The following TTC39C variants were observed in gnomAD, a reference collection of about 807,000 sequenced individuals.
The protein encoded by TTC39C is tetratricopeptide repeat protein 39C.
A neutral mutation model predicts 76.3 loss-of-function variants in TTC39C; 33 were observed. That is an observed-to-expected ratio of 0.43 (90% CI 0.33 to 0.58). The LOEUF is 0.58. Among genes scored for constraint, TTC39C ranks in the 20% least tolerant of loss-of-function variants. The pLI is 0.04. For missense variants in TTC39C, 595 were observed against 701.4 expected (o/e 0.85, Z 1.71); for synonymous variants, 254 against 260.6 (o/e 0.97, Z 0.24).
intron 1 of TTC39C, among the ~76,000 whole-genome samples, chr18:24,050,625 C>T (rs1200917847): frequency 6.6e-6 from 1 of 150,932 alleles, no homozygotes; most frequent in South Asian, 2.1e-4. Context: ...TAATCCCAGC[C>T]CTTTGGGAGG....
chr18:24,015,435 G>T, intron 1 of TTC39C: 1 of 170,292 alleles, frequency 5.9e-6, no homozygotes, highest in Non-Finnish European at 1.2e-5. Context: ...CGTGACTCTG[G>T]CTCGCGTGCT....
Position 24,114,622 on chromosome 18 carries a change from T to C in TTC39C, c.1053T>C (p.Ile351=). ...AACTTGCAGTAGACCAGAGAGAAATTCAACATGTCTGTCTGTATGAAATTG... is the reference window on the plus strand; with the variant it reads ...AACTTGCAGTAGACCAGAGAGAAATCCAACATGTCTGTCTGTATGAAATTG... The part of the protein sequence containing the change: ...ALELAVDQRE[I]QHVCLYEIGW... The change falls in exon 7 of 14, where the codon ATT becomes ATC. Residue 351 remains isoleucine (I), a synonymous_variant. Coordinates refer to ENST00000317571, the MANE Select transcript of TTC39C (RefSeq NM_001135993.2). 1.2e-6 allele frequency: 2 copies of C among 1,613,630 alleles called. No homozygotes were observed. The highest frequency in any genetic ancestry group is 1.3e-5 in the African/African-American group (1 of 75,038).
rs144000590 is a variant in TTC39C, at chr18:24,058,051, A to G, written c.168-6089A>G. On this transcript the variant is annotated intron_variant, in intron 1 of 13. Coordinates refer to ENST00000317571, the MANE Select transcript of TTC39C (RefSeq NM_001135993.2). ...TGGAGGCCATTAGTGTAAGCAAACC[A>G]ATGCAGGAACAGAAAACCAAATACT... 5.3e-3 allele frequency among the ~76,000 whole-genome samples: 804 copies of G among 152,334 alleles called. 5 individuals are homozygous for G. The highest frequency in any genetic ancestry group is 0.017 in the African/African-American group (707 of 41,576).
At chr18:24,072,773 T>C (rs1018158002) in intron 4 of TTC39C, among the ~76,000 whole-genome samples, 4 of 152,264 alleles carry the variant, frequency 2.6e-5, no homozygotes, top group Non-Finnish European at 5.9e-5. Context: ...TTTTAAAACA[T>C]ATTTTATGGC....
At chr18:24,109,898 C>T (rs1421770483) in intron 6 of TTC39C, among the ~76,000 whole-genome samples, 5 of 151,838 alleles carry the variant, frequency 3.3e-5, no homozygotes, top group East Asian at 3.9e-4. Context: ...CCCAGCTAAT[C>T]GGGAGGCTGA....
At chr18:24,075,973 T>C (rs1166771525) in intron 4 of TTC39C, among the ~76,000 whole-genome samples, 4 of 152,170 alleles carry the variant, frequency 2.6e-5, no homozygotes, top group African/African-American at 9.7e-5. Context: ...ATCTCTCAGC[T>C]AGTTGTTGCC....
At chr18:24,100,791 T>C (rs944864156) in intron 6 of TTC39C, among the ~76,000 whole-genome samples, 3 of 152,208 alleles carry the variant, frequency 2.0e-5, no homozygotes, top group African/African-American at 7.2e-5. Flanking sequence ...CAGTGGACCT[T>C]CTCTGGTGTT....
At chr18:24,076,472 G>A (rs1465105779) in intron 4 of TTC39C, among the ~76,000 whole-genome samples, 1 of 151,640 alleles carries the variant, frequency 6.6e-6, no homozygotes, top group Non-Finnish European at 1.5e-5. Context: ...GGAGCTGCTG[G>A]AGCGGCCCCT....
intron 1 of TTC39C, among the ~76,000 whole-genome samples, chr18:24,024,337 T>C (rs1403615065): frequency 1.3e-5 from 2 of 151,926 alleles, no homozygotes; most frequent in South Asian, 4.2e-4. Flanking sequence ...GTGTAAATGC[T>C]CAGCACACCT....
chr18:24,028,872 G>A (rs2083630404), intron 1 of TTC39C, among the ~76,000 whole-genome samples: 1 of 150,234 alleles, frequency 6.7e-6, no homozygotes, highest in Non-Finnish European at 1.5e-5. Flanking sequence ...ACAGGCACAT[G>A]CCACCACGCC....
At position 24,034,779 on chromosome 18, in the gene TTC39C, G is replaced by A. The variant is rs562371875; in HGVS notation, c.167+19741G>A. ...ATTTCACTTAGCATAATGTTCATGA[G>A]GTTCATTTATGTTATAGCATATGTC... On this transcript the variant is annotated intron_variant, in intron 1 of 13. Coordinates refer to ENST00000317571, the MANE Select transcript of TTC39C (RefSeq NM_001135993.2). Among the ~76,000 whole-genome samples the A allele has an allele frequency of 3.3e-5, 5 of 152,302 alleles. No homozygotes were observed. In the South Asian group the frequency reaches 1.0e-3, roughly 32 times the overall value.
intron 6 of TTC39C, among the ~76,000 whole-genome samples, chr18:24,108,410 C>T (rs2145800122): frequency 6.6e-6 from 1 of 152,296 alleles, no homozygotes; most frequent in Non-Finnish European, 1.5e-5. Flanking sequence ...AAGAACTCGG[C>T]CTTGTTTCCA....
intron 7 of TTC39C, among the ~76,000 whole-genome samples, chr18:24,117,711 G>GA (rs5823411): frequency 0.047 from 5,420 of 114,810 alleles, 142 homozygotes; most frequent in African/African-American, 0.079. Flanking sequence ...CAAAAAAAAA[G>GA]AAAAAAAAAA....
chr18:24,021,822 C>G (rs1357786507), intron 1 of TTC39C, among the ~76,000 whole-genome samples: 2 of 152,196 alleles, frequency 1.3e-5, no homozygotes, highest in African/African-American at 2.4e-5. Flanking sequence ...TACAGGAAAA[C>G]TCAGTTATTA....
intron 1 of TTC39C, among the ~76,000 whole-genome samples, chr18:24,046,713 T>C (rs73402284): frequency 0.038 from 5,785 of 151,924 alleles, 371 homozygotes; most frequent in Admixed American, 0.12. Flanking sequence ...TTTTCTATAT[T>C]CTTCTTAGGA....
chr18:24,035,365 A>G (rs1568413257), intron 1 of TTC39C, among the ~76,000 whole-genome samples: 1 of 152,192 alleles, frequency 6.6e-6, no homozygotes, highest in Non-Finnish European at 1.5e-5. Context: ...AGGAACTACT[A>G]TACTATTTTC....
At chr18:24,117,701 CA>C (rs1000196324) in intron 7 of TTC39C, among the ~76,000 whole-genome samples, 3 of 106,572 alleles carry the variant, frequency 2.8e-5, no homozygotes, top group Admixed American at 1.0e-4. Flanking sequence ...GACTCCTTCT[CA>C]AAAAAAAAGA....
In TTC39C at chr18:24,004,323, C is replaced by G. The variant is rs535944867; in HGVS notation, c.-17+11285C>G. On this transcript the variant is annotated intron_variant, in intron 1 of 13. Coordinates refer to the TTC39C transcript ENST00000304621. Reference sequence around the variant, plus strand: ...AGCATTCTCATTTTCTCTTTATCATCTCACAGTATATCCTTGTTTTTACTG... The same window carrying G: ...AGCATTCTCATTTTCTCTTTATCATGTCACAGTATATCCTTGTTTTTACTG... Among the ~76,000 whole-genome samples the G allele has an allele frequency of 3.1e-4, 47 of 152,324 alleles. No homozygotes were observed. The South Asian group carries it at 9.5e-3, about 31-fold the overall frequency.
At chr18:24,018,608 C>G (rs527403320) in intron 1 of TTC39C, among the ~76,000 whole-genome samples, 1 of 151,986 alleles carries the variant, frequency 6.6e-6, no homozygotes, top group South Asian at 2.1e-4. Flanking sequence ...AGAGAAGCAG[C>G]GTCTAACTCA....
Sources: gnomAD v4.1 joint callset for allele counts (sites outside exome capture counted in the v4.1 genomes callset) on GRCh38, gnomAD v4.1.1 for gene constraint, MANE v1.5 for transcripts, NCBI Gene and HGNC (gene_info 2026-07-23, HGNC 2026-07-21) for gene names.